NIPSNAP2: variants seen among roughly 807,000 people sequenced by gnomAD.
The protein encoded by NIPSNAP2 is nipsnap homolog 2.
A neutral mutation model predicts 48.4 loss-of-function variants in NIPSNAP2; 42 were observed. The observed-to-expected ratio is 0.87, with a 90% CI of 0.68 to 1.12. NIPSNAP2 has a LOEUF of 1.12. Among genes scored for constraint, NIPSNAP2 ranks in the 50% most tolerant of loss-of-function variants. The pLI, the probability that NIPSNAP2 is intolerant of heterozygous loss-of-function variation, is 0.00. For missense variants in NIPSNAP2, 314 were observed against 347.3 expected, an observed-to-expected ratio of 0.90 and a Z score of 0.76; for synonymous variants, 158 against 126.6, an observed-to-expected ratio of 1.25 and a Z score of -1.67.
chr7:55,979,757 C>A (rs1408731194), intron 3 of NIPSNAP2: 3 of 455,542 alleles, frequency 6.6e-6, no homozygotes, highest in African/African-American at 4.0e-5. Context: ...CTGAAACTTT[C>A]AGCAGCTCCC....
intron 1 of NIPSNAP2, among the ~76,000 whole-genome samples, chr7:55,969,825 T>C (rs1786979345): frequency 6.6e-6 from 1 of 151,426 alleles, no homozygotes; most frequent in Non-Finnish European, 1.5e-5. Context: ...CTACTAAAAA[T>C]ACAAAAAATT....
intron 8 of NIPSNAP2, 104 bp downstream of exon 8, chr7:55,995,092 C>A: frequency 1.1e-6 from 1 of 913,128 alleles, no homozygotes; most frequent in Non-Finnish European, 1.8e-6. Context: ...ACCACTACAG[C>A]AAATCCGACG....
At chr7:55,986,781 G>A (rs1045481322) in intron 7 of NIPSNAP2, among the ~76,000 whole-genome samples, 3 of 151,932 alleles carry the variant, frequency 2.0e-5, no homozygotes, top group African/African-American at 7.3e-5. Flanking sequence ...ATTGAATTCA[G>A]AATAGATAAA....
intron 7 of NIPSNAP2, among the ~76,000 whole-genome samples, chr7:55,988,799 A>T (rs1787384775): frequency 6.6e-6 from 1 of 152,014 alleles, no homozygotes; most frequent in Non-Finnish European, 1.5e-5. Context: ...CAGGAGGTGG[A>T]GGTTGCAGTG....
At chr7:55,974,779 C>T (rs1289849228) in intron 1 of NIPSNAP2, among the ~76,000 whole-genome samples, 9 of 145,198 alleles carry the variant, frequency 6.2e-5, no homozygotes, top group Non-Finnish European at 8.9e-5. Context: ...ACCTGGGAGG[C>T]GGAGCTTGCA....
intron 1 of NIPSNAP2, among the ~76,000 whole-genome samples, chr7:55,972,109 C>A (rs959720086): frequency 6.6e-6 from 1 of 152,004 alleles, no homozygotes; most frequent in Non-Finnish European, 1.5e-5. Context: ...GGTTCAAGAC[C>A]AGCCTGGCCA....
At chr7:55,980,343 C>G (rs1275206775) in intron 3 of NIPSNAP2, 5 of 155,560 alleles carry the variant, frequency 3.2e-5, no homozygotes, top group Admixed American at 1.2e-4. Flanking sequence ...CTCTGTTAAC[C>G]ATTTATGTAT....
intron 3 of NIPSNAP2, chr7:55,980,179 T>G (rs1010527207): frequency 8.3e-5 from 17 of 203,678 alleles, no homozygotes; most frequent in African/African-American, 3.8e-4. Context: ...TTTCTGAACA[T>G]TCATGAGTCA....
intron 7 of NIPSNAP2, among the ~76,000 whole-genome samples, chr7:55,993,753 G>A (rs977832258): frequency 6.6e-6 from 1 of 152,000 alleles, no homozygotes; most frequent in South Asian, 2.1e-4. Flanking sequence ...AAATTAAAGA[G>A]CTGATACCTT....
At chr7:55,966,698 C>G (rs575479839) in intron 1 of NIPSNAP2, among the ~76,000 whole-genome samples, 1 of 152,254 alleles carries the variant, frequency 6.6e-6, no homozygotes, top group African/African-American at 2.4e-5. Context: ...GGGAGTATGG[C>G]TTGAACCTGG....
At chr7:55,977,098 AT>A (rs34599696) in intron 1 of NIPSNAP2, among the ~76,000 whole-genome samples, 107,443 of 151,038 alleles carry the variant, frequency 0.71, 38,552 homozygotes, top group Non-Finnish European at 0.76. Context: ...ACAAATCTTG[AT>A]TTTTTTTTTG....
At chr7:55,997,294 C>A in intron 8 of NIPSNAP2, 72 bp from the exon 9 acceptor site, 1 of 1,115,484 alleles carries the variant, frequency 9.0e-7, no homozygotes. Flanking sequence ...TGAAGCAAGA[C>A]TTTAACGGAT....
chr7:55,983,775 G>A lies in NIPSNAP2; in HGVS notation c.492G>A (p.Arg164=). ...RKARSDMLLS[R]KNQLLLEFSF... ...CAAGAAGTGACATGCTTCTCTCCAG[G>A]AAGAATCAGCTCCTGTTGGAGTTCA... is the stretch of plus-strand genomic sequence containing the variant. Residue 164 remains arginine, a synonymous_variant, in exon 6 of 10, where the codon AGG becomes AGA. Transcript: ENST00000322090. 6.2e-7 allele frequency: 1 copy of A among 1,614,078 alleles called. No individual in the cohort carries two copies. The highest frequency in any genetic ancestry group is 8.5e-7 in the Non-Finnish European group (1 of 1,179,970).
chr7:55,983,147 C>G (rs1490573567), intron 5 of NIPSNAP2, among the ~76,000 whole-genome samples: 4 of 151,978 alleles, frequency 2.6e-5, no homozygotes, highest in Non-Finnish European at 5.9e-5. Context: ...AAAAAAACCC[C>G]CAAAAGACTG....
chr7:55,997,470 A>T (rs1448609137), intron 9 of NIPSNAP2, 21 bp downstream of exon 9: 2 of 1,564,910 alleles, frequency 1.3e-6, no homozygotes, highest in African/African-American at 2.7e-5. Flanking sequence ...AACAGCCATG[A>T]AATATGCTTT....
intron 1 of NIPSNAP2, among the ~76,000 whole-genome samples, chr7:55,977,720 C>G (rs941559665): frequency 1.3e-5 from 2 of 152,104 alleles, no homozygotes; most frequent in African/African-American, 2.4e-5. Flanking sequence ...GGGGAAACAT[C>G]ACTACCATTC....
intron 1 of NIPSNAP2, among the ~76,000 whole-genome samples, chr7:55,965,554 TTTA>T (rs569764218): frequency 9.3e-4 from 141 of 151,902 alleles, no homozygotes; most frequent in African/African-American, 3.2e-3. Flanking sequence ...AGTAACATGG[TTTA>T]TTATTATTAT....
chr7:55,977,999 G>A (rs1359054370), intron 1 of NIPSNAP2, 127 bp from the exon 2 acceptor site: 5 of 999,032 alleles, frequency 5.0e-6, no homozygotes, highest in East Asian at 4.8e-5. Flanking sequence ...GTCATGGAAA[G>A]CAGGCATTCT....
intron 7 of NIPSNAP2, among the ~76,000 whole-genome samples, chr7:55,985,997 G>T (rs538849329): frequency 6.6e-6 from 1 of 151,808 alleles, no homozygotes; most frequent in South Asian, 2.1e-4. Context: ...GCAGTGAGCT[G>T]AGATCACACC....
Sources: allele counts gnomAD v4.1 joint callset (sites outside exome capture counted in the v4.1 genomes callset), GRCh38; gene constraint gnomAD v4.1.1; transcripts MANE v1.5; gene names NCBI Gene and HGNC (gene_info 2026-07-23, HGNC 2026-07-21).